SLC8A1: variants seen among roughly 807,000 people sequenced by gnomAD.
The protein encoded by SLC8A1 is solute carrier family 8 member A1.
SLC8A1 carries 18 observed loss-of-function variants against 68.3 expected under a neutral mutation model. The ratio of observed to expected loss-of-function variants is 0.26; its 90% CI spans 0.18 to 0.39. SLC8A1 has a LOEUF of 0.39. Among genes scored for constraint, SLC8A1 ranks in the 10% least tolerant of loss-of-function variants. The pLI, the probability that SLC8A1 is intolerant of heterozygous loss-of-function variation, is 1.00. For missense variants in SLC8A1, 985 were observed against 1,156.7 expected, an observed-to-expected ratio of 0.85 and a Z score of 2.15; for synonymous variants, 475 against 415.5, an observed-to-expected ratio of 1.14 and a Z score of -1.74.
intron 2 of SLC8A1, among the ~76,000 whole-genome samples, chr2:40,332,629 T>C (rs552074990): frequency 3.5e-4 from 53 of 152,206 alleles, no homozygotes; most frequent in African/African-American, 9.2e-4. Flanking sequence ...CTGCAGAAAA[T>C]AAATGACAGG....
rs17025352 is a variant in SLC8A1, at chr2:40,164,767, G to A, written c.2061+87C>T. The A allele has an allele frequency of 5.1e-3, 7,766 of 1,522,064 alleles. 356 individuals carry two copies. The African/African-American group carries it at 0.093, about 18-fold the overall frequency. The allele number at this position is 1,522,064 out of a possible 1,614,324, so 94.3% of individuals were successfully genotyped here. A position where few individuals can be genotyped will look rare whatever the true frequency, so the allele number is the denominator to read the frequency against. On this transcript the variant is annotated intron_variant, in intron 5 of 7. Transcript: ENST00000406785. ...GAAATTACATCTACTACTCTTTCCA[G>A]GTGGATCTTAAGCTTTGGCCAACCC...
At chr2:40,410,589 T>A (rs1576248851) in intron 2 of SLC8A1, among the ~76,000 whole-genome samples, 1 of 152,070 alleles carries the variant, frequency 6.6e-6, no homozygotes, top group African/African-American at 2.4e-5. Context: ...TTTTAAAAAT[T>A]AGAAAAAATG....
At chr2:40,408,113 T>G (rs1690943748) in intron 2 of SLC8A1, among the ~76,000 whole-genome samples, 1 of 152,186 alleles carries the variant, frequency 6.6e-6, no homozygotes, top group Admixed American at 6.5e-5. Context: ...CCCTATATAT[T>G]CTTCTACAAT....
chr2:40,206,188 T>C (rs2055406991), intron 2 of SLC8A1, among the ~76,000 whole-genome samples: 1 of 152,086 alleles, frequency 6.6e-6, no homozygotes, highest in Non-Finnish European at 1.5e-5. Flanking sequence ...CCTTACCTAA[T>C]TTCTGGAATG....
exon 2 of SLC8A1, chr2:40,429,167 T>C (rs781663717): frequency 1.2e-6 from 2 of 1,613,518 alleles, no homozygotes; most frequent in South Asian, 1.1e-5. Context: ...GCTCCAGTCA[T>C]GAGGCGAGTA....
At chr2:40,215,972 G>A (rs1258148623) in intron 2 of SLC8A1, among the ~76,000 whole-genome samples, 3 of 149,320 alleles carry the variant, frequency 2.0e-5, no homozygotes, top group Non-Finnish European at 4.4e-5. Context: ...AATTGCCAAT[G>A]GGTGATCATG....
chr2:40,164,616 C>T (rs568637512), intron 5 of SLC8A1, among the ~76,000 whole-genome samples: 25 of 152,266 alleles, frequency 1.6e-4, no homozygotes, highest in African/African-American at 5.5e-4. Context: ...TGACCTTGTG[C>T]AGTCATAGAT....
At chr2:40,359,441 G>C (rs1575677933) in intron 2 of SLC8A1, among the ~76,000 whole-genome samples, 1 of 152,088 alleles carries the variant, frequency 6.6e-6, no homozygotes, top group African/African-American at 2.4e-5. Context: ...AAGGGTTTTT[G>C]TCCTGAGCGC....
intron 2 of SLC8A1, among the ~76,000 whole-genome samples, chr2:40,321,454 T>C (rs1055521109): frequency 6.6e-6 from 1 of 152,104 alleles, no homozygotes; most frequent in African/African-American, 2.4e-5. Context: ...GCATGGGGTC[T>C]GTGGGTCCTT....
chr2:40,256,739 A>G (rs1180224245), intron 2 of SLC8A1, among the ~76,000 whole-genome samples: 1 of 152,170 alleles, frequency 6.6e-6, no homozygotes, highest in African/African-American at 2.4e-5. Flanking sequence ...CCAGATTTTG[A>G]GCTGGGCTTT....
chr2:40,310,377 G>A (rs1218574683), intron 2 of SLC8A1, among the ~76,000 whole-genome samples: 2 of 152,180 alleles, frequency 1.3e-5, no homozygotes, highest in Admixed American at 1.3e-4. Context: ...TCATAATTGA[G>A]AATTGAGGAA....
chr2:40,376,327 G>C (rs181222959), intron 2 of SLC8A1, among the ~76,000 whole-genome samples: 7 of 151,988 alleles, frequency 4.6e-5, no homozygotes, highest in Non-Finnish European at 7.4e-5. Flanking sequence ...AATAATCATG[G>C]TCACCTGGGA....
chr2:40,400,847 G>A (rs1688515989), intron 2 of SLC8A1, among the ~76,000 whole-genome samples: 1 of 152,180 alleles, frequency 6.6e-6, no homozygotes, highest in Non-Finnish European at 1.5e-5. Flanking sequence ...AGGGAGCACT[G>A]CCCAGAGAGC....
chr2:40,328,201 G>A lies in SLC8A1; in HGVS notation c.1808+100272C>T, dbSNP rs561482723. Among the ~76,000 whole-genome samples, 4 of 152,204 alleles carry A rather than the reference G, an allele frequency of 2.6e-5. No individual in the cohort carries two copies. In the South Asian group the frequency reaches 8.3e-4, roughly 32 times the overall value. On this transcript the variant is annotated intron_variant, in intron 2 of 7. Transcript: ENST00000406785. ...AAAGAAAAGAAATTAACCATTCCAA[G>A]GAATTTTCTGTGACTTAAAAGCACT...
chr2:40,129,780 C>T (rs1171007809), intron 7 of SLC8A1, among the ~76,000 whole-genome samples: 2 of 152,188 alleles, frequency 1.3e-5, no homozygotes, highest in African/African-American at 4.8e-5. Flanking sequence ...GATGTTTCTA[C>T]CAAGTGCCCT....
chr2:40,279,859 T>C (rs1314770073), intron 2 of SLC8A1, among the ~76,000 whole-genome samples: 1 of 152,236 alleles, frequency 6.6e-6, no homozygotes, highest in Admixed American at 6.5e-5. Context: ...TCTCCTATTG[T>C]ATGCATTTGT....
intron 2 of SLC8A1, among the ~76,000 whole-genome samples, chr2:40,390,468 C>T (rs1004518533): frequency 6.6e-6 from 1 of 152,050 alleles, no homozygotes; most frequent in African/African-American, 2.4e-5. Flanking sequence ...AGTAGAGTCC[C>T]TGGACCACCA....
At chr2:40,169,558 T>G (rs559867990) in intron 4 of SLC8A1, among the ~76,000 whole-genome samples, 5 of 152,290 alleles carry the variant, frequency 3.3e-5, no homozygotes, top group African/African-American at 1.2e-4. Context: ...ACCCCACAGA[T>G]GTACTATCAT....
chr2:40,286,760 G>A (rs149420237), intron 2 of SLC8A1, among the ~76,000 whole-genome samples: 199 of 152,236 alleles, frequency 1.3e-3, no homozygotes, highest in African/African-American at 4.6e-3. Flanking sequence ...AAACAACCAG[G>A]GACCTACTGT....
Sources: allele counts gnomAD v4.1 joint callset (sites outside exome capture counted in the v4.1 genomes callset), GRCh38; gene constraint gnomAD v4.1.1; transcripts MANE v1.5; gene names NCBI Gene and HGNC (gene_info 2026-07-23, HGNC 2026-07-21).